The following NOL10 variants were observed in gnomAD, a reference collection of about 807,000 sequenced individuals.
NOL10 encodes nucleolar protein 10, also known as H_NH0074G24.1.
A neutral mutation model predicts 103.5 loss-of-function variants in NOL10; 58 were observed. The observed-to-expected ratio is 0.56, with a 90% confidence interval of 0.45 to 0.70. The LOEUF is 0.70. NOL10 is among the 30% of genes least tolerant of loss of function. The pLI is 0.00. For synonymous variants in NOL10, 287 were observed against 282.5 expected (o/e 1.02, Z -0.16); for missense variants, 763 against 807.3 (o/e 0.95, Z 0.67).
chr2:10,595,597 T>G (rs1572256873), intron 17 of NOL10, among the ~76,000 whole-genome samples: 1 of 133,922 alleles, frequency 7.5e-6, no homozygotes, highest in Non-Finnish European at 1.6e-5. Context: ...TGTTTTGTTT[T>G]GTTTTTGTTT....
rs1676740230 is a variant in NOL10 at position 10,614,589 on chromosome 2, G to A, written c.1027-7278C>T. 3.9e-5 allele frequency among the ~76,000 whole-genome samples: 6 copies of A among 152,126 alleles called. No homozygotes were observed. In the South Asian group the frequency reaches 1.0e-3, roughly 26 times the overall value. On this transcript the variant is annotated intron_variant, in intron 13 of 20. Coordinates refer to ENST00000381685, the MANE Select transcript of NOL10 (RefSeq NM_024894.4). ...TACACAAATTCATACCAGTGATTTGGGATAAACACAGACCTACAAAGAAAT... is the reference window on the plus strand; with the variant it reads ...TACACAAATTCATACCAGTGATTTGAGATAAACACAGACCTACAAAGAAAT...
At chr2:10,666,212 A>T (rs535642124) in intron 8 of NOL10, among the ~76,000 whole-genome samples, 1 of 152,196 alleles carries the variant, frequency 6.6e-6, no homozygotes, top group South Asian at 2.1e-4. Context: ...TGCAAAGAAC[A>T]TTCTTTCATT....
rs778670486 is a variant in NOL10 at position 10,577,639 on chromosome 2, C to G, written c.1944G>C (p.Lys648Asn). 1.2e-6 allele frequency: 2 copies of G among 1,605,658 alleles called. No individual in the cohort carries two copies. The highest frequency in any genetic ancestry group is 3.4e-5 in the Admixed American group (2 of 59,504). The change falls in exon 20 of 21, where the codon AAG becomes AAC. Residue 648 changes from lysine (K) to asparagine (N), a missense_variant. Lys to Asn is a moderately conservative substitution (Grantham distance 94, BLOSUM62 0). Coordinates refer to ENST00000381685, the MANE Select transcript of NOL10 (RefSeq NM_024894.4). ...ATAACAATAAAAGACAACTCACCCT[C>G]TTTAACGTGAATGTCAATTGTTTGC... ...VGSKQLTFTL[K>N]RSEQQKKQQE...
chr2:10,672,186 G>A (rs1401116808), intron 5 of NOL10, among the ~76,000 whole-genome samples: 2 of 152,058 alleles, frequency 1.3e-5, no homozygotes, highest in African/African-American at 4.8e-5. Context: ...AATTAGCTGG[G>A]CATGGTGGCG....
rs1464381717 is a variant in NOL10, at chr2:10,571,403, T to A, written c.*668A>T. On this transcript the variant is annotated 3_prime_UTR_variant, in exon 21 of 21. Coordinates refer to ENST00000381685, the MANE Select transcript of NOL10 (RefSeq NM_024894.4). ...AACTGTGAGTCAATTAAACCTCTTT[T>A]CTTTACTTATAAATTACCCAGTTTC... The A allele has an allele frequency of 2.0e-5, 3 of 152,452 alleles. No individual in the cohort carries two copies. The East Asian group carries it at 5.8e-4, about 29-fold the overall frequency. The allele number at this position is 152,452 out of a possible 1,614,324, so 9.4% of individuals were successfully genotyped here. A position where few individuals can be genotyped will look rare whatever the true frequency, so the allele number is the denominator to read the frequency against.
At chr2:10,593,384 G>A (rs890019979) in intron 17 of NOL10, among the ~76,000 whole-genome samples, 4 of 152,054 alleles carry the variant, frequency 2.6e-5, no homozygotes, top group Non-Finnish European at 1.5e-5. Context: ...TGATTCGCCT[G>A]CCTCGGCCTT....
rs1445184859 is a variant in NOL10 at position 10,605,172 on chromosome 2, C to A, written c.1153+2013G>T. Among the ~76,000 whole-genome samples the A allele has an allele frequency of 2.0e-5, 3 of 152,178 alleles. No individual in the cohort carries two copies. In the East Asian group the frequency reaches 5.8e-4, roughly 29 times the overall value. ...TTAAGTGAGAAAGGTGGGATGTAAA[C>A]CCATGTCAGTCTACCTGTAGTGCCC... On this transcript the variant is annotated intron_variant, in intron 14 of 20. Transcript: ENST00000381685.
rs150818587 is a variant in NOL10 at position 10,684,586 on chromosome 2, C to T, written c.93G>A (p.Ala31=). 138 of 1,574,142 alleles carry T rather than the reference C, an allele frequency of 8.8e-5. No homozygotes were observed. In the African/African-American group the frequency reaches 9.4e-4, roughly 11 times the overall value. Residue 31 remains alanine (A), a synonymous_variant, in exon 2 of 21, where the codon GCG becomes GCA. Coordinates refer to ENST00000381685, the MANE Select transcript of NOL10 (RefSeq NM_024894.4). ...ACTCACCTACATCTTTCTTCTGTAG[C>T]GCTCTCTTCTTCCTATCAGAAAGCC... ...PEWLSDRKKR[A]LQKKDVDVRR... is the part of the protein sequence containing the mutation.
At chr2:10,589,396 T>C in intron 18 of NOL10, 106 bp from the exon 19 acceptor site, 1 of 1,443,418 alleles carries the variant, frequency 6.9e-7, no homozygotes, top group Non-Finnish European at 9.3e-7. Context: ...TAACAGCTGC[T>C]CTACTGCATG....
At chr2:10,587,136 TACAC>T (rs1373405099) in intron 19 of NOL10, among the ~76,000 whole-genome samples, 1 of 49,392 alleles carries the variant, frequency 2.0e-5, no homozygotes, top group African/African-American at 1.0e-4. Context: ...TATACATATA[TACAC>T]ATATATATAC....
rs56031158 is a variant in NOL10 at position 10,649,311 on chromosome 2, ATTTTTTTT to A, written c.974-4947_974-4940del. The stretch of plus-strand genomic sequence containing the variant: ...TTTTTCAACTTTTCTGTATGTTTGA[ATTTTTTTT>A]TTTTTTTTTTTTTTTTTTTGAGACA... On this transcript the variant is annotated intron_variant, in intron 12 of 20. Transcript: ENST00000381685. Among the ~76,000 whole-genome samples, 170 of 99,060 alleles carry A rather than the reference ATTTTTTTT, an allele frequency of 1.7e-3. 3 individuals carry two copies. Among genetic ancestry groups the A allele is most frequent in the African/African-American group, 2.9e-3 (69 of 24,148 alleles). The allele number at this position is 99,060 out of a possible 152,430, so 65.0% of individuals were successfully genotyped here. A position where few individuals can be genotyped will look rare whatever the true frequency, so the allele number is the denominator to read the frequency against.
intron 7 of NOL10, among the ~76,000 whole-genome samples, chr2:10,668,291 G>A (rs533605354): frequency 1.3e-5 from 2 of 152,028 alleles, no homozygotes; most frequent in African/African-American, 2.4e-5. Context: ...TTAAATGTCC[G>A]CTAGCAGAGC....
intron 19 of NOL10, among the ~76,000 whole-genome samples, chr2:10,578,953 T>A (rs1234106617): frequency 1.3e-5 from 2 of 152,198 alleles, no homozygotes; most frequent in Non-Finnish European, 2.9e-5. Flanking sequence ...TTTAAAGTGA[T>A]GGCTAAGAAA....
At chr2:10,633,118 A>G (rs1269280854) in intron 13 of NOL10, among the ~76,000 whole-genome samples, 1 of 152,218 alleles carries the variant, frequency 6.6e-6, no homozygotes, top group African/African-American at 2.4e-5. Flanking sequence ...TCCTCATCAG[A>G]GTGTAACATA....
chr2:10,684,276 C>CAA (rs55930710), intron 2 of NOL10, among the ~76,000 whole-genome samples: 98 of 134,980 alleles, frequency 7.3e-4, no homozygotes, highest in Non-Finnish European at 1.2e-3. Context: ...AACTCCATCT[C>CAA]AAAAAAAAAA....
At chr2:10,664,508 C>T (rs1680448859) in intron 8 of NOL10, among the ~76,000 whole-genome samples, 1 of 152,140 alleles carries the variant, frequency 6.6e-6, no homozygotes, top group South Asian at 2.1e-4. Context: ...AGAATTGTGT[C>T]CACAAAAAAG....
rs373121547 is a variant in NOL10 at position 10,664,045 on chromosome 2, C to T, written c.592-1001G>A. 2.2e-3 allele frequency among the ~76,000 whole-genome samples: 338 copies of T among 151,704 alleles called. 3 individuals carry two copies. Among genetic ancestry groups the T allele is most frequent in the African/African-American group, 7.8e-3 (322 of 41,388 alleles). On this transcript the variant is annotated intron_variant, in intron 8 of 20. Transcript: ENST00000381685. ...CTGAGGCAGGAGAATTGCTTGAACC[C>T]GGGAGGCAGAGGCTACAGCGAGCTG...
intron 13 of NOL10, among the ~76,000 whole-genome samples, chr2:10,642,310 A>G (rs993798378): frequency 3.9e-5 from 6 of 152,164 alleles, no homozygotes; most frequent in Middle Eastern, 3.2e-3. Flanking sequence ...CCAGAACCCC[A>G]AAGAGCCACA....
In NOL10 at chr2:10,635,600, G is replaced by A. The variant is rs182558165; in HGVS notation, c.1026+8720C>T. 5.3e-5 allele frequency among the ~76,000 whole-genome samples: 8 copies of A among 152,276 alleles called. No homozygotes were observed. In the East Asian group the frequency reaches 1.5e-3, roughly 29 times the overall value. ...CTGACCCTTGACTTAGGGAAAATGC[G>A]TAGGAAGCCACTGAACCCTGCTGCC... On this transcript the variant is annotated intron_variant, in intron 13 of 20. Transcript: ENST00000381685.
Sources: allele counts gnomAD v4.1 joint callset (sites outside exome capture counted in the v4.1 genomes callset), GRCh38; gene constraint gnomAD v4.1.1; transcripts MANE v1.5; gene names NCBI Gene and HGNC (gene_info 2026-07-23, HGNC 2026-07-21).